The following ITGA8 variants were observed in gnomAD, a reference collection of about 807,000 sequenced individuals.
ITGA8 encodes the protein integrin subunit alpha 8, also known as integrin alpha-8.
In ITGA8, 91 loss-of-function variants were observed where a neutral mutation model predicts 142.3. The ratio of observed to expected loss-of-function variants is 0.64; its 90% confidence interval spans 0.54 to 0.76. The LOEUF is 0.76. Among genes scored for constraint, ITGA8 ranks in the 30% least tolerant of loss-of-function variants. The pLI, the probability that ITGA8 is intolerant of heterozygous loss-of-function variation, is 0.00. For missense variants in ITGA8, 1,406 were observed against 1,327.7 expected (o/e 1.06, Z -0.92); for synonymous variants, 505 against 485.2 (o/e 1.04, Z -0.54).
At chr10:15,620,308 T>TAC (rs4030584) in intron 13 of ITGA8, among the ~76,000 whole-genome samples, 9,954 of 150,706 alleles carry the variant, frequency 0.066, 1,004 homozygotes, top group African/African-American at 0.22. Flanking sequence ...GGTGTTGAGA[T>TAC]ACACACACAC....
At chr10:15,650,235 T>C (rs1439159282) in intron 11 of ITGA8, among the ~76,000 whole-genome samples, 2 of 152,146 alleles carry the variant, frequency 1.3e-5, no homozygotes, top group African/African-American at 2.4e-5. Flanking sequence ...GACACAACTC[T>C]GAAGGCAGCA....
chr10:15,619,120 G>A (rs181821019), intron 13 of ITGA8, among the ~76,000 whole-genome samples: 86 of 152,270 alleles, frequency 5.6e-4, no homozygotes, highest in African/African-American at 1.9e-3. Context: ...CTGATTGCCC[G>A]TAGTGGCAAC....
chr10:15,634,223 CAGTTCATTGTTGGATGTTTT>C (rs1833732652), intron 13 of ITGA8, among the ~76,000 whole-genome samples: 2 of 152,144 alleles, frequency 1.3e-5, no homozygotes, highest in South Asian at 4.1e-4. Flanking sequence ...GCTTATATTA[CAGTTCATTGTTGGATGTTTT>C]ATCTCCACAA....
chr10:15,550,180 A>G (rs114467796), intron 26 of ITGA8, among the ~76,000 whole-genome samples: 1,622 of 152,184 alleles, frequency 0.011, 24 homozygotes, highest in African/African-American at 0.038. Flanking sequence ...CTTGCCTGCC[A>G]CCATGTAAGA....
chr10:15,612,628 G>A (rs1160914537), intron 15 of ITGA8, among the ~76,000 whole-genome samples: 1 of 152,122 alleles, frequency 6.6e-6, no homozygotes, highest in South Asian at 2.1e-4. Flanking sequence ...AAATTCAGAA[G>A]GAACACTTTC....
chr10:15,621,629 A>G (rs905828924), intron 13 of ITGA8, among the ~76,000 whole-genome samples: 3 of 152,240 alleles, frequency 2.0e-5, no homozygotes, highest in South Asian at 2.1e-4. Context: ...GGCAGGAAAC[A>G]GTGAAGGGAG....
chr10:15,671,879 C>CAAAAAAA (rs34588118), intron 7 of ITGA8, among the ~76,000 whole-genome samples: 12 of 79,726 alleles, frequency 1.5e-4, no homozygotes, highest in African/African-American at 3.1e-4. Flanking sequence ...AGGAGCAAAG[C>CAAAAAAA]AAAAAAAAAA....
At chr10:15,622,479 A>G (rs955723953) in intron 13 of ITGA8, among the ~76,000 whole-genome samples, 2 of 152,184 alleles carry the variant, frequency 1.3e-5, no homozygotes, top group Non-Finnish European at 2.9e-5. Flanking sequence ...GTTGTATAAA[A>G]ACATTATGAT....
chr10:15,682,776 A>G (rs1803528048), intron 4 of ITGA8, among the ~76,000 whole-genome samples: 1 of 150,946 alleles, frequency 6.6e-6, no homozygotes, highest in African/African-American at 2.4e-5. Flanking sequence ...GCTTGAGCCC[A>G]GGAAGTCGAG....
chr10:15,709,117 A>G (rs1324513743), intron 2 of ITGA8, among the ~76,000 whole-genome samples: 1 of 152,232 alleles, frequency 6.6e-6, no homozygotes, highest in Non-Finnish European at 1.5e-5. Flanking sequence ...TGCCTTTTCT[A>G]AGAGAATATG....
chr10:15,539,802 A>G (rs531295149), intron 27 of ITGA8, among the ~76,000 whole-genome samples: 5 of 152,290 alleles, frequency 3.3e-5, no homozygotes, highest in Admixed American at 3.3e-4. Context: ...TGGGAACATT[A>G]CTGATATGAT....
At chr10:15,565,333 C>T (rs1588647595) in intron 25 of ITGA8, among the ~76,000 whole-genome samples, 1 of 152,044 alleles carries the variant, frequency 6.6e-6, no homozygotes, top group Non-Finnish European at 1.5e-5. Flanking sequence ...ATCAGACCTT[C>T]TAAAATAATA....
intron 8 of ITGA8, among the ~76,000 whole-genome samples, chr10:15,666,753 C>T (rs1448364002): frequency 6.6e-6 from 1 of 152,048 alleles, no homozygotes; most frequent in East Asian, 1.9e-4. Flanking sequence ...TGTCAAAGGC[C>T]TTTTCTGCAT....
chr10:15,683,859 G>C (rs186520350), intron 4 of ITGA8, 145 bp downstream of exon 4: 6 of 790,130 alleles, frequency 7.6e-6, no homozygotes, highest in East Asian at 2.6e-5. Flanking sequence ...CACCTGTAAG[G>C]CTGACAAAAA....
intron 19 of ITGA8, 68 bp from the exon 20 acceptor site, chr10:15,604,423 G>A: frequency 1.5e-6 from 2 of 1,324,446 alleles, no homozygotes; most frequent in South Asian, 3.0e-5. Flanking sequence ...TTTTATTTAA[G>A]GATTTATAGA....
intron 12 of ITGA8, among the ~76,000 whole-genome samples, chr10:15,646,276 T>C (rs931741665): frequency 1.3e-5 from 2 of 152,190 alleles, no homozygotes; most frequent in African/African-American, 2.4e-5. Flanking sequence ...ACAGCACTTA[T>C]AAGTAGAGAA....
At chr10:15,518,779 C>T (rs1039943016) in intron 29 of ITGA8, among the ~76,000 whole-genome samples, 23 of 152,294 alleles carry the variant, frequency 1.5e-4, no homozygotes, top group African/African-American at 5.5e-4. Flanking sequence ...AGATTAAAAA[C>T]CAAGTCCAGG....
intron 6 of ITGA8, among the ~76,000 whole-genome samples, chr10:15,672,994 C>T (rs1469031504): frequency 6.6e-6 from 1 of 152,234 alleles, no homozygotes; most frequent in African/African-American, 2.4e-5. Flanking sequence ...AACATACACA[C>T]TCCACCTCCA....
chr10:15,575,303 T>A (rs756556544), intron 24 of ITGA8, among the ~76,000 whole-genome samples, 186 bp downstream of exon 24: 3 of 152,090 alleles, frequency 2.0e-5, no homozygotes, highest in Non-Finnish European at 2.9e-5. Context: ...GATGGGAGGA[T>A]TGTTTGAGCC....
Sources: gnomAD v4.1 joint callset for allele counts (sites outside exome capture counted in the v4.1 genomes callset) on GRCh38, gnomAD v4.1.1 for gene constraint, MANE v1.5 for transcripts, NCBI Gene and HGNC (gene_info 2026-07-23, HGNC 2026-07-21) for gene names.